Variants in PFAS observed in about 807,000 individuals in gnomAD.
PFAS encodes phosphoribosylformylglycinamidine synthase.
In PFAS, 97 loss-of-function variants were observed where a neutral mutation model predicts 140.6. The ratio of observed to expected loss-of-function variants is 0.69; its 90% CI spans 0.59 to 0.82. The LOEUF (loss-of-function observed/expected upper bound fraction) is 0.82, where lower values mean the gene tolerates loss of function less well. PFAS is among the 40% of genes least tolerant of loss of function. The pLI is 0.00. For missense variants in PFAS, 1,656 were observed against 1,780.2 expected (o/e 0.93, Z 1.26); for synonymous variants, 679 against 718.8 (o/e 0.94, Z 0.88).
chr17:8,249,004 A>T (rs1258437037), upstream of PFAS, among the ~76,000 whole-genome samples: 4 of 152,252 alleles, frequency 2.6e-5, no homozygotes, highest in East Asian at 7.7e-4. Context: ...CCAAGCAGAG[A>T]AGGGCTTCCT....
intron 11 of PFAS, 38 bp from the exon 12 acceptor site, chr17:8,262,882 C>T (rs779758817): frequency 6.4e-7 from 1 of 1,551,790 alleles, no homozygotes; most frequent in Non-Finnish European, 8.9e-7. Flanking sequence ...CTTCTCGTGG[C>T]TTCCCCAGTG....
chr17:8,256,692 G>T (rs1361159631), intron 8 of PFAS, 44 bp downstream of exon 8: 43 of 1,607,498 alleles, frequency 2.7e-5, no homozygotes, highest in Admixed American at 2.0e-4. Context: ...CACAGAATAG[G>T]GTAGGGCAAA....
rs561809131 is a variant in PFAS, at chr17:8,259,010, C to A, written c.1336+811C>A. ...CAAAAAAAAAAAAAAAAAAATTACC[C>A]AGGCGTCATGGTGCATGCCTATAGT... On this transcript the variant is annotated intron_variant, in intron 11 of 27. Coordinates refer to ENST00000314666, the MANE Select transcript of PFAS (RefSeq NM_012393.3). 2.0e-5 allele frequency among the ~76,000 whole-genome samples: 3 copies of A among 150,370 alleles called. No homozygotes were observed. The South Asian group carries it at 6.3e-4, about 32-fold the overall frequency.
rs1235901761 is a variant in PFAS at position 8,267,996 on chromosome 17, A to T, written c.3382+331A>T. ...ATATATATTATTTATATATTATTAA[A>T]ATATATTATTTATATATATTATTTA... On this transcript the variant is annotated intron_variant, in intron 26 of 27. Transcript: ENST00000314666. This position sits in a 1 kb window ranked among gnomAD's most constrained non-coding sequence, Gnocchi z 4.9. Among the ~76,000 whole-genome samples the T allele has an allele frequency of 5.7e-5, 8 of 141,570 alleles. No homozygotes were observed. The highest frequency in any genetic ancestry group is 1.0e-4 in the African/African-American group (4 of 38,406). The allele number at this position is 141,570 out of a possible 152,430, so 92.9% of individuals were successfully genotyped here.
Position 8,265,012 on chromosome 17 carries a change from A to G in PFAS, c.2167A>G (p.Thr723Ala). The G allele has an allele frequency of 6.2e-7, 1 of 1,613,634 alleles. No individual in the cohort carries two copies. Among genetic ancestry groups the G allele is most frequent in the East Asian group, 2.2e-5 (1 of 44,874 alleles). ...LSHEELIGAA[T>A]ALGEQPVKSL... Reference sequence around the variant, plus strand: ...CCATGAGGAGCTCATAGGGGCTGCCACAGCCTTGGGAGAACAGCCAGTCAA... The same window carrying G: ...CCATGAGGAGCTCATAGGGGCTGCCGCAGCCTTGGGAGAACAGCCAGTCAA... The change falls in exon 18 of 28, where the codon ACA becomes GCA. Residue 723 changes from threonine to alanine, a missense_variant. Physicochemically the swap from Thr to Ala is moderately conservative, Grantham distance 58. Around this residue, in one of 2 missense-constraint regions of PFAS, gnomAD observed 883 missense variants for 1,023.0 expected, o/e 0.86. Transcript: ENST00000314666.
Position 8,266,872 on chromosome 17 carries a change from A to T in PFAS, c.2941A>T (p.Thr981Ser), listed in dbSNP as rs1989835942. The change falls in exon 23 of 28, where the codon ACA becomes TCA. Residue 981 changes from threonine (T) to serine (S), a missense_variant. Thr to Ser is a moderately conservative substitution (Grantham distance 58). Around this residue, in one of 2 missense-constraint regions of PFAS, gnomAD observed 883 missense variants for 1,023.0 expected, o/e 0.86. Coordinates refer to ENST00000314666, the MANE Select transcript of PFAS (RefSeq NM_012393.3). The surrounding 1 kb of genome is among the most constrained non-coding windows in gnomAD (Gnocchi z 5.0). ...CCTCCATTGCCTGGAGCTGGGCCAC[A>T]CAGGCGAGGCCGGGCCCCACGCCAT... ...AGLHCLELGH[T>S]GEAGPHAMVR... 4.4e-6 allele frequency: 7 copies of T among 1,606,918 alleles called. No homozygotes were observed. The highest frequency in any genetic ancestry group is 5.9e-6 in the Non-Finnish European group (7 of 1,178,926).
At position 8,267,345 on chromosome 17, in the gene PFAS, G is replaced by T. The variant is rs1232240908; in HGVS notation, c.3176-27G>T. 1 of 1,607,478 alleles carries T rather than the reference G, an allele frequency of 6.2e-7. No homozygotes were observed. Among genetic ancestry groups the T allele is most frequent in the South Asian group, 1.1e-5 (1 of 90,972 alleles). On this transcript the variant is annotated intron_variant, in intron 24 of 27. Coordinates refer to ENST00000314666, the MANE Select transcript of PFAS (RefSeq NM_012393.3). The surrounding 1 kb of genome is among the most constrained non-coding windows in gnomAD (Gnocchi z 4.9). ...GTTGGGGTGGGGAAGTGACTTTCTGGCCCAAAGACACTTATTCTCCCCCAA... is the reference window on the plus strand; with the variant it reads ...GTTGGGGTGGGGAAGTGACTTTCTGTCCCAAAGACACTTATTCTCCCCCAA...
rs934997983 is a variant in PFAS at position 8,249,317 on chromosome 17, G to T, written c.-102G>T. On this transcript the variant is annotated 5_prime_UTR_variant, in exon 1 of 28. Transcript: ENST00000314666. ...CGCGCGCGACGATTCGAGGTGCTCT[G>T]TGGCCGCGAGTGCATCTTCCACGTG... The T allele has an allele frequency of 1.3e-5, 2 of 152,216 alleles. No homozygotes were observed. Among genetic ancestry groups the T allele is most frequent in the African/African-American group, 4.8e-5 (2 of 41,454 alleles). The allele number at this position is 152,216 out of a possible 1,614,324, so 9.4% of individuals were successfully genotyped here.
chr17:8,258,923 T>C (rs1362500762), intron 11 of PFAS, among the ~76,000 whole-genome samples: 1 of 151,302 alleles, frequency 6.6e-6, no homozygotes, highest in Non-Finnish European at 1.5e-5. Flanking sequence ...GAGGTGGAGC[T>C]TGCAGTGAGC....
At position 8,264,907 on chromosome 17, in the gene PFAS, G is replaced by A. The variant is rs899113313; in HGVS notation, c.2062G>A (p.Val688Met). Residue 688 changes from valine (V) to methionine (M), a missense_variant, in exon 18 of 28, where the codon GTG becomes ATG. Val to Met is a conservative substitution (Grantham distance 21). Transcript: ENST00000314666. ...CCTGGTTCCACAGGTGGACCGCTCT[G>A]TGGGAGGCCTGGTGGCCCAGCAGCA... ...RYLTNKVDRS[V>M]GGLVAQQQCV... 7 of 1,589,960 alleles carry A rather than the reference G, an allele frequency of 4.4e-6. No homozygotes were observed. Among genetic ancestry groups the A allele is most frequent in the South Asian group, 2.2e-5 (2 of 88,950 alleles).
At chr17:8,248,021 C>T (rs753797185), upstream of PFAS, 10 of 1,608,970 alleles carry the variant, frequency 6.2e-6, no homozygotes, top group South Asian at 6.6e-5. Flanking sequence ...GGGACCTGGG[C>T]CCGGCCAGCC....
Position 8,267,784 on chromosome 17 carries a change from C to G in PFAS, c.3382+119C>G. ...TCCACCGAGCTACGAGAGAGTGGGC[C>G]CATTCGTTCTGGGCCACATGCCAAC... On this transcript the variant is annotated intron_variant, in intron 26 of 27. Coordinates refer to ENST00000314666, the MANE Select transcript of PFAS (RefSeq NM_012393.3). This position sits in a 1 kb window ranked among gnomAD's most constrained non-coding sequence, Gnocchi z 4.9. The G allele has an allele frequency of 1.9e-6, 1 of 539,522 alleles. No homozygotes were observed. 33.4% of individuals were successfully genotyped at this position (539,522 alleles called of 1,614,324 possible).
In PFAS at chr17:8,270,254, C is replaced by T. The variant is rs1989969499; in HGVS notation, c.*990C>T. The T allele has an allele frequency of 6.6e-6, 1 of 152,208 alleles. No homozygotes were observed. Among genetic ancestry groups the T allele is most frequent in the African/African-American group, 2.4e-5 (1 of 41,452 alleles). The allele number at this position is 152,208 out of a possible 1,614,324, so 9.4% of individuals were successfully genotyped here. A position where few individuals can be genotyped will look rare whatever the true frequency, so the allele number is the denominator to read the frequency against. Reference sequence around the variant, plus strand: ...AACCCTTTAGTATGCTGGAATTCTACTCTTCACTTACTGCATTGACTGTTG... The same window carrying T: ...AACCCTTTAGTATGCTGGAATTCTATTCTTCACTTACTGCATTGACTGTTG... On this transcript the variant is annotated 3_prime_UTR_variant, in exon 28 of 28. Coordinates refer to ENST00000314666, the MANE Select transcript of PFAS (RefSeq NM_012393.3).
rs199941998 is a variant in PFAS at position 8,267,031 on chromosome 17, C to T, written c.2971C>T (p.Arg991Trp). The change falls in exon 24 of 28, where the codon CGG becomes TGG. Residue 991 changes from arginine to tryptophan, a missense_variant. Coordinates refer to ENST00000314666, the MANE Select transcript of PFAS (RefSeq NM_012393.3). This position sits in a 1 kb window ranked among gnomAD's most constrained non-coding sequence, Gnocchi z 4.9. ...GGAGATTTGTTCCTCTTCCTAGGTC[C>T]GGGTGTCAGTGAACGGGGCTGTGGT... is the stretch of plus-strand genomic sequence containing the variant. ...TGEAGPHAMV[R>W]VSVNGAVVLE... 348 of 1,613,600 alleles carry T rather than the reference C, an allele frequency of 2.2e-4. No homozygotes were observed. The highest frequency in any genetic ancestry group is 2.8e-4 in the Non-Finnish European group (329 of 1,180,000).
Position 8,263,105 on chromosome 17 carries a change from C to T in PFAS, c.1411-4C>T, listed in dbSNP as rs1362752435. 3 of 1,613,868 alleles carry T rather than the reference C, an allele frequency of 1.9e-6. No individual in the cohort carries two copies. Among genetic ancestry groups the T allele is most frequent in the Non-Finnish European group, 2.5e-6 (3 of 1,179,880 alleles). ...GAGCTGAGCTATGCCATATATGCCCCCAGGTGCAGGGAGATAACACCAGTG... is the reference window on the plus strand; with the variant it reads ...GAGCTGAGCTATGCCATATATGCCCTCAGGTGCAGGGAGATAACACCAGTG... On this transcript the variant is annotated splice_polypyrimidine_tract_variant and splice_region_variant and intron_variant, in intron 12 of 27. Coordinates refer to ENST00000314666, the MANE Select transcript of PFAS (RefSeq NM_012393.3).
At chr17:8,264,783 T>C in intron 17 of PFAS, 112 bp from the exon 18 acceptor site, 19 of 992,738 alleles carry the variant, frequency 1.9e-5, no homozygotes, top group Non-Finnish European at 2.7e-5. Flanking sequence ...AGCTGTTGTC[T>C]GCATTGGGGG....
chr17:8,255,103 G>C lies in PFAS; in HGVS notation c.355G>C (p.Val119Leu). 1 of 1,613,552 alleles carries C rather than the reference G, an allele frequency of 6.2e-7. No homozygotes were observed. The highest frequency in any genetic ancestry group is 1.1e-5 in the South Asian group (1 of 91,072). ...CACTGGGCTGGGGCCTGTGGATCGT[G>C]TGGAGACCACCCGGCGCTACCGGCT... ...RATGLGPVDR[V>L]ETTRRYRLSF... The change falls in exon 4 of 28, where the codon GTG becomes CTG. Residue 119 changes from valine (V) to leucine (L), a missense_variant. By Grantham distance (32) the Val-to-Leu change is conservative. Transcript: ENST00000314666.
At position 8,266,743 on chromosome 17, in the gene PFAS, G is replaced by A. The variant is rs369118146; in HGVS notation, c.2822-10G>A. The stretch of plus-strand genomic sequence containing the variant: ...TTGCATCCCCCTGACTCCCCACATT[G>A]CTCTCCCAGTCCTGTCTGTGCTGTT... On this transcript the variant is annotated splice_polypyrimidine_tract_variant and intron_variant, in intron 22 of 27. Coordinates refer to ENST00000314666, the MANE Select transcript of PFAS (RefSeq NM_012393.3). This position sits in a 1 kb window ranked among gnomAD's most constrained non-coding sequence, Gnocchi z 5.0. 9 of 1,589,814 alleles carry A rather than the reference G, an allele frequency of 5.7e-6. No homozygotes were observed. The East Asian group carries it at 1.8e-4, about 32-fold the overall frequency.
rs562956968 is a variant in PFAS, at chr17:8,254,275, T to C, written c.252T>C (p.Asn84=). 1.2e-6 allele frequency: 2 copies of C among 1,614,100 alleles called. No individual in the cohort carries two copies. Among genetic ancestry groups the C allele is most frequent in the African/African-American group, 2.7e-5 (2 of 75,036 alleles). Residue 84 remains asparagine, a synonymous_variant, in exon 3 of 28, where the codon AAT becomes AAC. Transcript: ENST00000314666. ...AGTCCTGGCTCCTTCCTGGCTCCAA[T>C]GACCTGCTGCTGGAGGTCGGGCCCA... ...ARESWLLPGS[N]DLLLEVGPRL...
Sources: gnomAD v4.1 joint callset for allele counts (sites outside exome capture counted in the v4.1 genomes callset) on GRCh38, gnomAD v4.1.1 for gene constraint, gnomAD v4.1.1 regional missense constraint, Gnocchi (gnomAD v3.1) non-coding constraint, MANE v1.5 for transcripts, NCBI Gene and HGNC (gene_info 2026-07-23, HGNC 2026-07-21) for gene names.